ACAP2: variants seen among roughly 807,000 people sequenced by gnomAD.
The protein encoded by ACAP2 is ArfGAP with coiled-coil, ankyrin repeat and PH domains 2.
In ACAP2, 39 loss-of-function variants were observed where a neutral mutation model predicts 115.8. The ratio of observed to expected loss-of-function variants is 0.34; its 90% CI spans 0.26 to 0.44. The LOEUF (loss-of-function observed/expected upper bound fraction) is 0.44, where lower values mean the gene tolerates loss of function less well. ACAP2 is among the 20% of genes least tolerant of loss of function. The pLI, the probability that ACAP2 is intolerant of heterozygous loss-of-function variation, is 1.00. For missense variants in ACAP2, 662 were observed against 927.6 expected, an observed-to-expected ratio of 0.71 and a Z score of 3.72; for synonymous variants, 289 against 315.8, an observed-to-expected ratio of 0.92 and a Z score of 0.90.
At chr3:195,382,604 A>T (rs1734022719) in intron 2 of ACAP2, among the ~76,000 whole-genome samples, 1 of 152,112 alleles carries the variant, frequency 6.6e-6, no homozygotes, top group Non-Finnish European at 1.5e-5. Flanking sequence ...CAAATATTAA[A>T]AAACAGATAA....
intron 7 of ACAP2, chr3:195,336,689 A>C (rs535248343): frequency 9.7e-6 from 4 of 410,460 alleles, no homozygotes; most frequent in Non-Finnish European, 1.7e-5. Flanking sequence ...AAACAAAAAC[A>C]TAACAGTATA....
intron 1 of ACAP2, among the ~76,000 whole-genome samples, chr3:195,416,799 C>T (rs546996856): frequency 5.9e-5 from 9 of 152,146 alleles, no homozygotes; most frequent in Non-Finnish European, 8.8e-5. Context: ...TAGAAGAACA[C>T]GTCCAACAAA....
At chr3:195,420,054 A>C (rs1474909817) in intron 1 of ACAP2, among the ~76,000 whole-genome samples, 2 of 152,196 alleles carry the variant, frequency 1.3e-5, no homozygotes, top group Non-Finnish European at 2.9e-5. Context: ...TACATTAGAA[A>C]GAATTTATAC....
intron 21 of ACAP2, among the ~76,000 whole-genome samples, chr3:195,288,660 C>A (rs1254054773): frequency 6.6e-6 from 1 of 152,104 alleles, no homozygotes; most frequent in Admixed American, 6.5e-5. Context: ...GAGTTCGAGA[C>A]CAGCCTGGCC....
chr3:195,284,418 A>C (rs1447209349), intron 22 of ACAP2, among the ~76,000 whole-genome samples: 1 of 152,230 alleles, frequency 6.6e-6, no homozygotes, highest in African/African-American at 2.4e-5. Context: ...TGAACGCTAG[A>C]GCTTCACCCT....
intron 4 of ACAP2, among the ~76,000 whole-genome samples, chr3:195,367,140 A>G (rs1355332026): frequency 1.3e-5 from 2 of 151,898 alleles, no homozygotes. Flanking sequence ...GTGGTTTTCA[A>G]ATGTTAGAAT....
At chr3:195,325,415 T>A in intron 9 of ACAP2, 1 of 88,290 alleles carries the variant, frequency 1.1e-5, no homozygotes, top group Non-Finnish European at 2.1e-5. Flanking sequence ...AGTGGACTGA[T>A]TTTTTTTTTT....
At chr3:195,422,764 C>G (rs887852619) in intron 1 of ACAP2, among the ~76,000 whole-genome samples, 1 of 152,160 alleles carries the variant, frequency 6.6e-6, no homozygotes, top group African/African-American at 2.4e-5. Flanking sequence ...ACTATGTTTT[C>G]TATGATGAGC....
Position 195,292,324 on chromosome 3 carries a change from C to T in ACAP2, c.1894G>A (p.Val632Met), listed in dbSNP as rs1046428099. The T allele has an allele frequency of 1.1e-5, 17 of 1,613,612 alleles. No individual in the cohort carries two copies. The highest frequency in any genetic ancestry group is 2.2e-5 in the South Asian group (2 of 90,992). Residue 632 changes from valine (V) to methionine (M), a missense_variant, in exon 19 of 23, where the codon GTG becomes ATG. Transcript: ENST00000326793. ...TTTTCCTCTGAATTGGCCCAGTTCA[C>T]GTCTGCACCATGAGCCAAAGCCTCA... ...MAEALAHGADVNWANSEENKA... is the reference protein window; with the variant it reads ...MAEALAHGADMNWANSEENKA...
chr3:195,411,758 T>C (rs896373880), intron 1 of ACAP2, among the ~76,000 whole-genome samples: 3 of 152,234 alleles, frequency 2.0e-5, no homozygotes, highest in African/African-American at 4.8e-5. Context: ...AAACTCACAC[T>C]GTAAGGCCAG....
Position 195,426,990 on chromosome 3 carries a change from AG to A in ACAP2, c.53+15804del, listed in dbSNP as rs1318438241. ...AATCCTCAGAACCCGCAAATACGTT[AG>A]GTTACACGGCAAAGGGAAATTAAGG... On this transcript the variant is annotated intron_variant, in intron 1 of 22. Transcript: ENST00000326793. 5.3e-5 allele frequency among the ~76,000 whole-genome samples: 8 copies of A among 151,390 alleles called. No homozygotes were observed. The Middle Eastern group carries it at 0.024, about 451-fold the overall frequency.
At chr3:195,396,806 A>AAG (rs1181347566) in intron 1 of ACAP2, among the ~76,000 whole-genome samples, 1 of 150,588 alleles carries the variant, frequency 6.6e-6, no homozygotes, top group Non-Finnish European at 1.5e-5. Context: ...AAAAAAAAAA[A>AAG]AAAAAAAAGA....
At chr3:195,325,334 C>T in intron 9 of ACAP2, 1 of 416,868 alleles carries the variant, frequency 2.4e-6, no homozygotes, top group East Asian at 7.1e-5. Flanking sequence ...ACCACTGTTT[C>T]TCCAATTGAT....
chr3:195,298,153 G>A (rs1727774946), intron 15 of ACAP2, among the ~76,000 whole-genome samples: 1 of 152,052 alleles, frequency 6.6e-6, no homozygotes, highest in South Asian at 2.1e-4. Context: ...CCTGGGATGA[G>A]ATAACAAGAG....
chr3:195,285,631 G>C (rs1448925254), intron 22 of ACAP2, 165 bp downstream of exon 22: 1 of 606,824 alleles, frequency 1.6e-6, no homozygotes, highest in African/African-American at 1.9e-5. Context: ...ATTCAGTTAA[G>C]TACAGTACAA....
At chr3:195,323,942 T>C (rs1452098086) in intron 9 of ACAP2, among the ~76,000 whole-genome samples, 4 of 152,176 alleles carry the variant, frequency 2.6e-5, no homozygotes, top group Non-Finnish European at 4.4e-5. Context: ...AAAGGATAAA[T>C]GCTTGAGAGG....
At chr3:195,300,335 G>T (rs548813492) in intron 15 of ACAP2, among the ~76,000 whole-genome samples, 1 of 152,006 alleles carries the variant, frequency 6.6e-6, no homozygotes, top group African/African-American at 2.4e-5. Context: ...ATGAGCCACC[G>T]CACCCGGCCA....
chr3:195,416,806 CA>C (rs780327084), intron 1 of ACAP2, among the ~76,000 whole-genome samples: 1 of 152,154 alleles, frequency 6.6e-6, no homozygotes, highest in East Asian at 1.9e-4. Context: ...ACACGTCCAA[CA>C]AAAGAGCAGC....
intron 21 of ACAP2, among the ~76,000 whole-genome samples, chr3:195,288,663 G>T (rs1456649579): frequency 1.3e-5 from 2 of 152,080 alleles, no homozygotes; most frequent in East Asian, 3.9e-4. Context: ...TTCGAGACCA[G>T]CCTGGCCAAC....
Sources: allele counts gnomAD v4.1 joint callset (sites outside exome capture counted in the v4.1 genomes callset), GRCh38; gene constraint gnomAD v4.1.1; transcripts MANE v1.5; gene names NCBI Gene and HGNC (gene_info 2026-07-23, HGNC 2026-07-21).